Variants in SEMA5A observed in about 807,000 individuals in gnomAD.
The protein encoded by SEMA5A is semaphorin 5A.
Under a neutral mutation model 135.5 loss-of-function variants are expected in SEMA5A, and 55 were observed. That is an observed-to-expected ratio of 0.41 (90% CI 0.33 to 0.51). The LOEUF (loss-of-function observed/expected upper bound fraction) is 0.51. Ranked by LOEUF, SEMA5A falls within the 20% of genes least tolerant of loss-of-function variation. The pLI is 0.37. For missense variants in SEMA5A, 1,290 were observed against 1,419.9 expected (o/e 0.91, Z 1.47); for synonymous variants, 580 against 546.5 (o/e 1.06, Z -0.85).
At chr5:9,076,145 C>T (rs933692431) in intron 16 of SEMA5A, among the ~76,000 whole-genome samples, 1 of 141,522 alleles carries the variant, frequency 7.1e-6, no homozygotes, top group African/African-American at 2.7e-5. Flanking sequence ...GCGGAGATTG[C>T]AGTAAGCCGA....
intron 3 of SEMA5A, among the ~76,000 whole-genome samples, chr5:9,341,294 C>G (rs1004958918): frequency 4.6e-5 from 7 of 151,916 alleles, no homozygotes; most frequent in African/African-American, 1.7e-4. Flanking sequence ...AGCTTAGTAA[C>G]AGAAAACCTA....
chr5:9,259,810 C>A (rs1749303585), intron 5 of SEMA5A, among the ~76,000 whole-genome samples: 2 of 79,288 alleles, frequency 2.5e-5, no homozygotes. Flanking sequence ...AAAATTGACA[C>A]CCTAACATCA....
chr5:9,194,593 T>C (rs1745289960), intron 10 of SEMA5A, among the ~76,000 whole-genome samples: 1 of 152,232 alleles, frequency 6.6e-6, no homozygotes, highest in African/African-American at 2.4e-5. Context: ...ACTTTGCCAG[T>C]GTGGTTATCA....
At chr5:9,538,869 G>A (rs574702516) in intron 1 of SEMA5A, among the ~76,000 whole-genome samples, 3 of 152,284 alleles carry the variant, frequency 2.0e-5, no homozygotes, top group South Asian at 2.1e-4. Flanking sequence ...CCCAGTAGAC[G>A]CAGCAGGACT....
chr5:9,344,749 G>C (rs1349023007), intron 3 of SEMA5A, among the ~76,000 whole-genome samples: 1 of 152,192 alleles, frequency 6.6e-6, no homozygotes, highest in Non-Finnish European at 1.5e-5. Flanking sequence ...TTTGTAGAAA[G>C]GTTGGAAAAT....
chr5:9,400,364 ATAAAAAT>A (rs1756598011), intron 2 of SEMA5A, among the ~76,000 whole-genome samples: 1 of 152,236 alleles, frequency 6.6e-6, no homozygotes. Context: ...AACTTAAAAA[ATAAAAAT>A]TAAAAATAAA....
At chr5:9,112,718 G>A (rs75266144) in intron 15 of SEMA5A, among the ~76,000 whole-genome samples, 12,001 of 152,174 alleles carry the variant, frequency 0.079, 605 homozygotes, top group African/African-American at 0.15. Context: ...CATGTTCCCC[G>A]TGATCCCCAG....
chr5:9,154,771 C>T lies in SEMA5A; in HGVS notation c.1274-76G>A, dbSNP rs1742863212. 4.7e-6 allele frequency: 6 copies of T among 1,275,204 alleles called. No individual in the cohort carries two copies. In the African/African-American group the frequency reaches 5.9e-5, roughly 12 times the overall value. The allele number at this position is 1,275,204 out of a possible 1,614,324, so 79.0% of individuals were successfully genotyped here. A position where few individuals can be genotyped will look rare whatever the true frequency, so the allele number is the denominator to read the frequency against. ...CCAATCCCTGGTTAAACAGAGTGTG[C>T]TGTGTATGCAGCCATGGATCTTCAG... On this transcript the variant is annotated intron_variant, in intron 11 of 22. Transcript: ENST00000382496.
At chr5:9,139,712 T>C (rs533167225) in intron 12 of SEMA5A, among the ~76,000 whole-genome samples, 2 of 152,334 alleles carry the variant, frequency 1.3e-5, no homozygotes, top group African/African-American at 2.4e-5. Flanking sequence ...TCTTGAGATA[T>C]ACATGTTATA....
At chr5:9,090,571 C>T (rs1206233413) in intron 16 of SEMA5A, among the ~76,000 whole-genome samples, 1 of 152,226 alleles carries the variant, frequency 6.6e-6, no homozygotes, top group Non-Finnish European at 1.5e-5. Context: ...ATCTGTGCAG[C>T]TGGCCTCAAA....
At chr5:9,129,061 G>T (rs1010706897) in intron 13 of SEMA5A, among the ~76,000 whole-genome samples, 1 of 152,188 alleles carries the variant, frequency 6.6e-6, no homozygotes, top group Non-Finnish European at 1.5e-5. Context: ...AATTAGTAGG[G>T]TCTTAAGCAA....
At chr5:9,363,721 C>T (rs1395151964) in intron 3 of SEMA5A, among the ~76,000 whole-genome samples, 1 of 152,136 alleles carries the variant, frequency 6.6e-6, no homozygotes, top group Non-Finnish European at 1.5e-5. Flanking sequence ...ACAAAACATA[C>T]CACAGATGGA....
At chr5:9,346,892 A>ATGTGTGTG (rs3086551) in intron 3 of SEMA5A, among the ~76,000 whole-genome samples, 4 of 149,362 alleles carry the variant, frequency 2.7e-5, no homozygotes, top group African/African-American at 9.9e-5. Context: ...GTATATATAT[A>ATGTGTGTG]TGTGTGTGTG....
intron 12 of SEMA5A, among the ~76,000 whole-genome samples, chr5:9,149,689 C>G (rs1742528182): frequency 6.6e-6 from 1 of 152,134 alleles, no homozygotes; most frequent in African/African-American, 2.4e-5. Context: ...CAGCGGCCCT[C>G]CCATCACCAC....
chr5:9,337,693 C>A lies in SEMA5A; in HGVS notation c.224+20G>T. The A allele has an allele frequency of 6.4e-7, 1 of 1,566,202 alleles. No homozygotes were observed. The highest frequency in any genetic ancestry group is 1.1e-5 in the South Asian group (1 of 87,706). On this transcript the variant is annotated intron_variant, in intron 4 of 22. Transcript: ENST00000382496. ...TGAAGTCCAAAAATATCTGTGGTGGCAAAATACAATATCTCTCACCTTGCT... is the reference window on the plus strand; with the variant it reads ...TGAAGTCCAAAAATATCTGTGGTGGAAAAATACAATATCTCTCACCTTGCT...
At chr5:9,229,098 C>T (rs1406454625) in intron 6 of SEMA5A, among the ~76,000 whole-genome samples, 1 of 152,180 alleles carries the variant, frequency 6.6e-6, no homozygotes, top group Non-Finnish European at 1.5e-5. Context: ...CTCAGATTGG[C>T]TTCTAAATGT....
intron 2 of SEMA5A, among the ~76,000 whole-genome samples, chr5:9,428,122 C>CTCTATCTATCTATCTA (rs70943964): frequency 1.7e-4 from 23 of 135,770 alleles, no homozygotes; most frequent in South Asian, 5.1e-4. Flanking sequence ...ATATATTCAA[C>CTCTATCTATCTATCTA]TCTATCTATC....
chr5:9,544,589 C>T (rs1174567927), intron 1 of SEMA5A, among the ~76,000 whole-genome samples: 2 of 152,160 alleles, frequency 1.3e-5, no homozygotes, highest in African/African-American at 4.8e-5. Context: ...CCCGCCCACT[C>T]GCCCAGGACC....
At chr5:9,410,140 TAAAG>T (rs1757050216) in intron 2 of SEMA5A, among the ~76,000 whole-genome samples, 1 of 152,158 alleles carries the variant, frequency 6.6e-6, no homozygotes, top group Non-Finnish European at 1.5e-5. Context: ...TTTATTAAAT[TAAAG>T]AAAGAGTATA....
Sources: gnomAD v4.1 joint callset for allele counts (sites outside exome capture counted in the v4.1 genomes callset) on GRCh38, gnomAD v4.1.1 for gene constraint, MANE v1.5 for transcripts, NCBI Gene and HGNC (gene_info 2026-07-23, HGNC 2026-07-21) for gene names.